The following DIP2A variants were observed in gnomAD, a reference collection of about 807,000 sequenced individuals.
The protein encoded by DIP2A is disco-interacting protein 2 homolog A.
In DIP2A, 85 loss-of-function variants were observed where a neutral mutation model predicts 177.4. The observed-to-expected ratio is 0.48, with a 90% CI of 0.40 to 0.57. The LOEUF (loss-of-function observed/expected upper bound fraction) is 0.57, where lower values mean the gene tolerates loss of function less well. Ranked by LOEUF, DIP2A falls within the 20% of genes least tolerant of loss-of-function variation. The pLI is 0.00. For synonymous variants in DIP2A, 886 were observed against 881.8 expected, an observed-to-expected ratio of 1.00 and a Z score of -0.08; for missense variants, 1,791 against 2,100.2, an observed-to-expected ratio of 0.85 and a Z score of 2.88.
chr21:46,477,139 C>T (rs1351072460), intron 1 of DIP2A, among the ~76,000 whole-genome samples: 1 of 152,152 alleles, frequency 6.6e-6, no homozygotes, highest in African/African-American at 2.4e-5. Context: ...TAGGACCGGT[C>T]CGATTGTTTG....
At chr21:46,550,009 G>C in intron 22 of DIP2A, 124 bp downstream of exon 22, 2 of 1,513,522 alleles carry the variant, frequency 1.3e-6, no homozygotes, top group Non-Finnish European at 1.8e-6. Context: ...TTGTTTATCT[G>C]TATTTTTCAT....
At position 46,566,604 on chromosome 21, in the gene DIP2A, C is replaced by G. The variant is rs1569124307; in HGVS notation, c.4384C>G (p.Leu1462Val). 3 of 1,614,174 alleles carry G rather than the reference C, an allele frequency of 1.9e-6. No individual in the cohort carries two copies. Among genetic ancestry groups the G allele is most frequent in the Non-Finnish European group, 2.5e-6 (3 of 1,180,028 alleles). The change falls in exon 37 of 38, where the codon CTG becomes GTG. Residue 1462 changes from leucine (L) to valine (V), a missense_variant. By Grantham distance (32) the Leu-to-Val change is conservative. Coordinates refer to ENST00000417564, the MANE Select transcript of DIP2A (RefSeq NM_015151.4). Reference protein sequence around the residue: ...LYVVGSLDETLELRGMRYHPI... With the variant: ...LYVVGSLDETVELRGMRYHPI... ...TGTGGTTGGGTCTCTGGATGAAACTCTGGAGCTCAGAGGCATGCGGTACCA... is the reference window on the plus strand; with the variant it reads ...TGTGGTTGGGTCTCTGGATGAAACTGTGGAGCTCAGAGGCATGCGGTACCA...
At chr21:46,477,335 T>G (rs1205439878) in intron 1 of DIP2A, among the ~76,000 whole-genome samples, 1 of 151,752 alleles carries the variant, frequency 6.6e-6, no homozygotes, top group Non-Finnish European at 1.5e-5. Context: ...AAGACCAGCC[T>G]GGTCAACATG....
chr21:46,475,961 C>T lies in DIP2A; in HGVS notation c.92-8796C>T, dbSNP rs139017826. 2.7e-4 allele frequency among the ~76,000 whole-genome samples: 41 copies of T among 152,090 alleles called. No individual in the cohort carries two copies. In the East Asian group the frequency reaches 5.2e-3, roughly 19 times the overall value. On this transcript the variant is annotated intron_variant, in intron 1 of 37. Coordinates refer to ENST00000417564, the MANE Select transcript of DIP2A (RefSeq NM_015151.4). ...TTAAAAATTATGATGATTGGCTGGG[C>T]GCAGTGGCTCACGCCTGTAATCCCA...
At position 46,550,550 on chromosome 21, in the gene DIP2A, A is replaced by G. The variant is rs1389290924; in HGVS notation, c.2645A>G (p.Asp882Gly). The change falls in exon 23 of 38, where the codon GAT becomes GGT. Residue 882 changes from aspartate (D) to glycine (G), a missense_variant. Asp to Gly is a moderately conservative substitution (Grantham distance 94). Transcript: ENST00000417564. ...QWMSRVLQAI[D>G]SIHQVGVYCL... ...AGGGTCCTTCCCTTTCAGGCCATTG[A>G]TAGCATCCACCAGGTGGGCGTGTAC... 1 of 1,612,746 alleles carries G rather than the reference A, an allele frequency of 6.2e-7. No homozygotes were observed. The highest frequency in any genetic ancestry group is 2.2e-5 in the East Asian group (1 of 44,864).
chr21:46,567,441 A>ACCTGGTGGC lies in DIP2A; in HGVS notation c.4543_4551dup (p.Ala1515_Val1517dup). The ACCTGGTGGC allele has an allele frequency of 6.2e-7, 1 of 1,613,884 alleles. No homozygotes were observed. The highest frequency in any genetic ancestry group is 8.5e-7 in the Non-Finnish European group (1 of 1,179,858). ...GATGGGCTAGAGCAGGATGCCCTGG[A>ACCTGGTGGC]CCTGGTGGCCCTGGTGACCAACGTG... On this transcript the variant is annotated inframe_insertion, in exon 38 of 38. Transcript: ENST00000417564.
chr21:46,492,191 A>G (rs1199761750), intron 3 of DIP2A, among the ~76,000 whole-genome samples: 4 of 152,066 alleles, frequency 2.6e-5, no homozygotes, highest in Admixed American at 2.6e-4. Context: ...GTATGAATCA[A>G]AAGTTTACTT....
chr21:46,467,183 C>T (rs1487787151), intron 1 of DIP2A, among the ~76,000 whole-genome samples: 1 of 151,212 alleles, frequency 6.6e-6, no homozygotes, highest in East Asian at 2.0e-4. Flanking sequence ...GTAGTCCCAG[C>T]TGCTCGGGAG....
In DIP2A at chr21:46,558,535, C is replaced by T. The variant is rs913774327; in HGVS notation, c.3969+142C>T. ...CCTTTGATATCTCATTTCCATGTAA[C>T]ATTTTAGCTTCAAGGGTTTTATTTT... On this transcript the variant is annotated intron_variant, in intron 32 of 37. Coordinates refer to ENST00000417564, the MANE Select transcript of DIP2A (RefSeq NM_015151.4). 7.4e-6 allele frequency: 6 copies of T among 814,816 alleles called. No homozygotes were observed. The African/African-American group carries it at 8.7e-5, about 12-fold the overall frequency. 50.5% of individuals were successfully genotyped at this position (814,816 alleles called of 1,614,324 possible). A position where few individuals can be genotyped will look rare whatever the true frequency, so the allele number is the denominator to read the frequency against.
chr21:46,552,436 G>A (rs1355448868), intron 25 of DIP2A, among the ~76,000 whole-genome samples: 1 of 152,194 alleles, frequency 6.6e-6, no homozygotes, highest in African/African-American at 2.4e-5. Flanking sequence ...TGTCAAGAAG[G>A]AGAAGCTGTA....
At chr21:46,560,847 T>A in intron 33 of DIP2A, 64 bp downstream of exon 33, 6 of 1,554,912 alleles carry the variant, frequency 3.9e-6, no homozygotes, top group Middle Eastern at 1.7e-4. Flanking sequence ...AAACCAGGTC[T>A]GCACTGACTA....
chr21:46,544,668 T>C (rs1322968701), intron 18 of DIP2A, among the ~76,000 whole-genome samples: 10 of 152,160 alleles, frequency 6.6e-5, no homozygotes, highest in Admixed American at 6.5e-4. Context: ...TGGAGTCACA[T>C]GGCAGATTTG....
intron 16 of DIP2A, 149 bp from the exon 17 acceptor site, chr21:46,539,728 G>A: frequency 1.4e-6 from 1 of 705,974 alleles, no homozygotes; most frequent in Non-Finnish European, 2.6e-6. Flanking sequence ...TGAAGTCTGA[G>A]GGTACCTGTG....
rs771860083 is a variant in DIP2A at position 46,546,043 on chromosome 21, C to A, written c.2394+82C>A. 14 of 1,600,596 alleles carry A rather than the reference C, an allele frequency of 8.7e-6. No homozygotes were observed. The East Asian group carries it at 3.1e-4, about 36-fold the overall frequency. ...AAGGGACACCTCGTTGCAGCCCCAC[C>A]CTTGTCCTGGCCGTTCCTGACCTCC... On this transcript the variant is annotated intron_variant, in intron 20 of 37. Transcript: ENST00000417564.
intron 17 of DIP2A, among the ~76,000 whole-genome samples, chr21:46,541,225 T>C (rs1420929080): frequency 6.6e-6 from 1 of 152,212 alleles, no homozygotes; most frequent in Non-Finnish European, 1.5e-5. Flanking sequence ...ACAGTCATTT[T>C]ATTGTCTCTC....
chr21:46,498,477 G>A lies in DIP2A; in HGVS notation c.404-105G>A. On this transcript the variant is annotated intron_variant, in intron 4 of 37. Coordinates refer to ENST00000417564, the MANE Select transcript of DIP2A (RefSeq NM_015151.4). This position sits in a 1 kb window ranked among gnomAD's most constrained non-coding sequence, Gnocchi z 4.3. ...TGGGCAGAGCTGTGCCAGGTGTACA[G>A]AAGCATGCTGCACACAGGTCTGGGA... 1.1e-5 allele frequency: 16 copies of A among 1,392,032 alleles called. No individual in the cohort carries two copies. Among genetic ancestry groups the A allele is most frequent in the Non-Finnish European group, 1.6e-5 (16 of 1,022,556 alleles). 86.2% of individuals were successfully genotyped at this position (1,392,032 alleles called of 1,614,324 possible).
downstream of DIP2A, among the ~76,000 whole-genome samples, chr21:46,570,967 G>C (rs541254365): frequency 2.0e-5 from 3 of 152,256 alleles, no homozygotes; most frequent in African/African-American, 7.2e-5. Flanking sequence ...CAAGGGAGAA[G>C]CAACTTGCTA....
At chr21:46,477,543 T>TTTTTTTTTTGTGTGTGTGTGTGTGTGTG (rs374607636) in intron 1 of DIP2A, among the ~76,000 whole-genome samples, 3 of 87,094 alleles carry the variant, frequency 3.4e-5, no homozygotes, top group African/African-American at 1.3e-4. Context: ...AAAAAAAGAT[T>TTTTTTTTTTGTGTGTGTGTGTGTGTGTG]TGTGTGTGTG....
chr21:46,464,408 G>T (rs1219215542), intron 1 of DIP2A, among the ~76,000 whole-genome samples: 1 of 152,024 alleles, frequency 6.6e-6, no homozygotes, highest in African/African-American at 2.4e-5. Context: ...AAAGAAAAAC[G>T]TTCTCATGTT....
Sources: gnomAD v4.1 joint callset for allele counts (sites outside exome capture counted in the v4.1 genomes callset) on GRCh38, gnomAD v4.1.1 for gene constraint, Gnocchi (gnomAD v3.1) non-coding constraint, MANE v1.5 for transcripts, NCBI Gene and HGNC (gene_info 2026-07-23, HGNC 2026-07-21) for gene names.